FANCD2: variants seen among roughly 807,000 people sequenced by gnomAD.
The protein encoded by FANCD2 is Fanconi anemia group D2 protein.
In FANCD2, 131 loss-of-function variants were observed where a neutral mutation model predicts 192.3. The observed-to-expected ratio is 0.68, with a 90% confidence interval of 0.59 to 0.79. The LOEUF (loss-of-function observed/expected upper bound fraction) is 0.79, where lower values mean the gene tolerates loss of function less well. Ranked by LOEUF, FANCD2 falls within the 30% of genes least tolerant of loss-of-function variation. The probability of loss-of-function intolerance (pLI) is 0.00; values close to 1 mark genes in which losing one functional copy is unlikely to be tolerated. For missense variants in FANCD2, 1,508 were observed against 1,701.6 expected, an observed-to-expected ratio of 0.89 and a Z score of 2.00; for synonymous variants, 524 against 612.5, an observed-to-expected ratio of 0.86 and a Z score of 2.13.
chr3:10,059,658 C>T (rs998501637), intron 18 of FANCD2, among the ~76,000 whole-genome samples: 5 of 151,604 alleles, frequency 3.3e-5, no homozygotes, highest in Admixed American at 6.6e-5. Context: ...AAAAATTATC[C>T]GGGCGTGGTT....
intron 19 of FANCD2, among the ~76,000 whole-genome samples, chr3:10,060,914 A>G (rs2087548019): frequency 6.6e-6 from 1 of 152,202 alleles, no homozygotes; most frequent in African/African-American, 2.4e-5. Flanking sequence ...ATTTCAGTTC[A>G]TGCTCCTTGG....
chr3:10,060,410 G>A lies in FANCD2; in HGVS notation c.1766+7G>A, dbSNP rs563561289. On this transcript the variant is annotated splice_region_variant and intron_variant, in intron 19 of 43. Transcript: ENST00000675286. ...GCATCATGGCGGCAGACAGGTACAC[G>A]TGGAGATTCTGACTTCTGTGGTTTA... The A allele has an allele frequency of 3.0e-5, 48 of 1,603,294 alleles. No individual in the cohort carries two copies. Among genetic ancestry groups the A allele is most frequent in the South Asian group, 1.8e-4 (16 of 90,910 alleles).
At position 10,028,586 on chromosome 3, in the gene FANCD2, C is replaced by A. The variant is rs1369624609; in HGVS notation, c.-33-39C>A. On this transcript the variant is annotated intron_variant, in intron 1 of 43. Coordinates refer to ENST00000675286, the MANE Select transcript of FANCD2 (RefSeq NM_001018115.3). ...ATAGCTTTAACTTCTCAGAATTTAT[C>A]TTCTAGAGGGTAACTTCTGTTTCCC... 4.5e-6 allele frequency: 6 copies of A among 1,336,656 alleles called. No homozygotes were observed. In the African/African-American group the frequency reaches 8.7e-5, roughly 19 times the overall value. 82.8% of individuals were successfully genotyped at this position (1,336,656 alleles called of 1,614,324 possible).
chr3:10,079,290 G>C (rs1366125034), intron 30 of FANCD2, among the ~76,000 whole-genome samples: 1 of 151,890 alleles, frequency 6.6e-6, no homozygotes, highest in Non-Finnish European at 1.5e-5. Context: ...AAAATAGAAA[G>C]GCACTTGGAA....
chr3:10,037,107 A>G (rs1241861061), intron 7 of FANCD2, among the ~76,000 whole-genome samples: 6 of 151,882 alleles, frequency 4.0e-5, no homozygotes, highest in South Asian at 2.1e-4. Context: ...TAGCCTCTCA[A>G]ACTACTGGGA....
At chr3:10,041,798 A>C in intron 10 of FANCD2, 88 bp downstream of exon 10, 1 of 900,288 alleles carries the variant, frequency 1.1e-6, no homozygotes, top group Non-Finnish European at 1.9e-6. Flanking sequence ...GGGAGTAATG[A>C]ATATTTCATT....
chr3:10,065,184 G>A lies in FANCD2; in HGVS notation c.2169-210G>A, dbSNP rs56146486. On this transcript the variant is annotated intron_variant, in intron 23 of 43. Coordinates refer to ENST00000675286, the MANE Select transcript of FANCD2 (RefSeq NM_001018115.3). ...TGCACCTATAATCCCAGCTACTCAG[G>A]AGGCTGAGGCAGGATAATTGCTTGA... is the stretch of plus-strand genomic sequence containing the variant. Among the ~76,000 whole-genome samples, 133 of 152,302 alleles carry A rather than the reference G, an allele frequency of 8.7e-4. 1 individual carries two copies. The highest frequency in any genetic ancestry group is 3.0e-3 in the African/African-American group (125 of 41,562).
chr3:10,063,753 G>A (rs2087633307), intron 20 of FANCD2, 39 bp from the exon 21 acceptor site: 2 of 1,613,196 alleles, frequency 1.2e-6, no homozygotes, highest in Admixed American at 1.7e-5. Context: ...GGAAAGATTG[G>A]CAGCCCAAGG....
chr3:10,096,202 G>A (rs925474617), intron 41 of FANCD2, 124 bp from the exon 42 acceptor site: 2 of 953,816 alleles, frequency 2.1e-6, no homozygotes, highest in Admixed American at 3.5e-5. Context: ...CTGTTTGATG[G>A]AACATACCGT....
At chr3:10,051,329 C>T (rs1474749809) in intron 17 of FANCD2, among the ~76,000 whole-genome samples, 9 of 138,748 alleles carry the variant, frequency 6.5e-5, no homozygotes, top group Middle Eastern at 3.9e-3. Context: ...TGCAGTGAGC[C>T]GAGATCCCGC....
intron 28 of FANCD2, among the ~76,000 whole-genome samples, chr3:10,073,701 T>C (rs1486112812): frequency 6.6e-6 from 1 of 152,242 alleles, no homozygotes; most frequent in Non-Finnish European, 1.5e-5. Context: ...ATGAGTTTCA[T>C]GTGTTTGAAA....
At chr3:10,050,747 G>C (rs1433311986) in intron 17 of FANCD2, among the ~76,000 whole-genome samples, 2 of 151,820 alleles carry the variant, frequency 1.3e-5, no homozygotes, top group Non-Finnish European at 2.9e-5. Flanking sequence ...TTAATAATGT[G>C]AGCTTAAAGG....
intron 32 of FANCD2, 44 bp from the exon 33 acceptor site, chr3:10,085,768 T>G: frequency 1.6e-6 from 2 of 1,273,004 alleles, no homozygotes; most frequent in Non-Finnish European, 2.3e-6. Context: ...ATCCAAGTAG[T>G]TTTCCAGAAA....
intron 19 of FANCD2, among the ~76,000 whole-genome samples, chr3:10,061,886 C>T (rs533451667): frequency 6.8e-5 from 10 of 147,818 alleles, no homozygotes; most frequent in East Asian, 6.1e-4. Context: ...TACCAAACAC[C>T]GCATGTTCTC....
In FANCD2 at chr3:10,042,587, C is replaced by T. The variant is rs766821340; in HGVS notation, c.812C>T (p.Ser271Leu). 4 of 1,613,790 alleles carry T rather than the reference C, an allele frequency of 2.5e-6. No homozygotes were observed. Among genetic ancestry groups the T allele is most frequent in the East Asian group, 2.2e-5 (1 of 44,870 alleles). The change falls in exon 11 of 44, where the codon TCG becomes TTG. Residue 271 changes from serine (S) to leucine (L), a missense_variant. By Grantham distance (145) the Ser-to-Leu change is moderately radical. Transcript: ENST00000675286. Reference sequence around the variant, plus strand: ...CGCCAGTTGGTGATGGATAAGTTGTCGTCTATTAGATTGGAGGATTTACCT... The same window carrying T: ...CGCCAGTTGGTGATGGATAAGTTGTTGTCTATTAGATTGGAGGATTTACCT... ...KVRQLVMDKL[S>L]SIRLEDLPVI... is the part of the protein sequence containing the mutation.
At chr3:10,069,853 G>A (rs1693081931) in intron 26 of FANCD2, among the ~76,000 whole-genome samples, 2 of 152,114 alleles carry the variant, frequency 1.3e-5, no homozygotes, top group Admixed American at 6.5e-5. Flanking sequence ...CTCCCAAAGT[G>A]CCGAGATTGC....
intron 33 of FANCD2, among the ~76,000 whole-genome samples, chr3:10,086,424 TA>T (rs34016180): frequency 0.017 from 2,633 of 152,302 alleles, 36 homozygotes; most frequent in Middle Eastern, 0.034. Flanking sequence ...CTTCCCTTGG[TA>T]ACCTAGACCA....
At chr3:10,080,663 C>T (rs564888544) in intron 30 of FANCD2, among the ~76,000 whole-genome samples, 3 of 152,198 alleles carry the variant, frequency 2.0e-5, no homozygotes, top group East Asian at 3.9e-4. Context: ...CTCAGATACT[C>T]AGGAGGCTGA....
At chr3:10,042,985 A>G in intron 11 of FANCD2, 65 bp from the exon 12 acceptor site, 1 of 1,341,990 alleles carries the variant, frequency 7.5e-7, no homozygotes, top group South Asian at 1.2e-5. Context: ...CATGGTAGAG[A>G]GACTGGACTG....
Sources: allele counts gnomAD v4.1 joint callset (sites outside exome capture counted in the v4.1 genomes callset), GRCh38; gene constraint gnomAD v4.1.1; transcripts MANE v1.5; gene names NCBI Gene and HGNC (gene_info 2026-07-23, HGNC 2026-07-21).